Variants in ZBTB7C observed in about 807,000 individuals in gnomAD.
ZBTB7C encodes the protein zinc finger and BTB domain containing 7C, also known as zinc finger and BTB domain-containing protein 7C.
A neutral mutation model predicts 25.7 loss-of-function variants in ZBTB7C; 8 were observed. The observed-to-expected ratio is 0.31, with a 90% confidence interval of 0.18 to 0.56. The LOEUF (loss-of-function observed/expected upper bound fraction) is 0.56, where lower values mean the gene tolerates loss of function less well. ZBTB7C is among the 20% of genes least tolerant of loss of function. The pLI, the probability that ZBTB7C is intolerant of heterozygous loss-of-function variation, is 0.91. For synonymous variants in ZBTB7C, 394 were observed against 369.0 expected, an observed-to-expected ratio of 1.07 and a Z score of -0.78; for missense variants, 824 against 855.2, an observed-to-expected ratio of 0.96 and a Z score of 0.46.
intron 1 of ZBTB7C, among the ~76,000 whole-genome samples, chr18:48,407,713 C>T (rs2048312218): frequency 6.6e-6 from 1 of 152,184 alleles, no homozygotes; most frequent in Non-Finnish European, 1.5e-5. Context: ...ACTTCAAAAT[C>T]CTATGACCTT....
intron 3 of ZBTB7C, among the ~76,000 whole-genome samples, chr18:48,136,424 C>G (rs1442735608): frequency 6.6e-6 from 1 of 152,196 alleles, no homozygotes; most frequent in African/African-American, 2.4e-5. Flanking sequence ...CCGCCGCGCG[C>G]CTAGCTGGAC....
At chr18:48,054,531 A>G (rs537269516) in intron 3 of ZBTB7C, among the ~76,000 whole-genome samples, 47 of 152,176 alleles carry the variant, frequency 3.1e-4, no homozygotes, top group African/African-American at 9.4e-4. Flanking sequence ...GCTGTTGTCT[A>G]CCTCAATTTA....
Position 48,306,720 on chromosome 18 carries a change from C to T in ZBTB7C, c.-79+31454G>A, listed in dbSNP as rs140997284. Among the ~76,000 whole-genome samples the T allele has an allele frequency of 2.2e-3, 337 of 152,236 alleles. 2 individuals are homozygous for T. Among genetic ancestry groups the T allele is most frequent in the African/African-American group, 7.9e-3 (326 of 41,524 alleles). ...TATGTAGCTGAGCTCAGGAACTGTC[C>T]CCAGGTATGGGGTCAGAGCCCAGCT... is the stretch of plus-strand genomic sequence containing the variant. On this transcript the variant is annotated intron_variant, in intron 2 of 4. Coordinates refer to ENST00000590800, the MANE Select transcript of ZBTB7C (RefSeq NM_001318841.2).
At chr18:48,411,012 A>G (rs1057505664), upstream of ZBTB7C, among the ~76,000 whole-genome samples, 1 of 151,994 alleles carries the variant, frequency 6.6e-6, no homozygotes, top group Non-Finnish European at 1.5e-5. Flanking sequence ...AAGTTTGTGA[A>G]CCTTTGGTGC....
At chr18:48,174,106 T>C (rs2041590181) in intron 3 of ZBTB7C, among the ~76,000 whole-genome samples, 1 of 152,246 alleles carries the variant, frequency 6.6e-6, no homozygotes, top group Non-Finnish European at 1.5e-5. Flanking sequence ...AAGAAAAGAT[T>C]GGATAATTTG....
intron 2 of ZBTB7C, among the ~76,000 whole-genome samples, chr18:48,330,067 G>A (rs78093643): frequency 0.027 from 4,084 of 152,292 alleles, 73 homozygotes; most frequent in South Asian, 0.085. Context: ...CACAGTGGGG[G>A]TCAACTCTGT....
intron 2 of ZBTB7C, among the ~76,000 whole-genome samples, chr18:48,256,981 T>A (rs1480492109): frequency 6.6e-6 from 1 of 151,656 alleles, no homozygotes; most frequent in Non-Finnish European, 1.5e-5. Flanking sequence ...AGAAAACAAA[T>A]AGAAAGATGA....
At chr18:48,198,550 C>G (rs777283819) in intron 2 of ZBTB7C, among the ~76,000 whole-genome samples, 6 of 152,176 alleles carry the variant, frequency 3.9e-5, no homozygotes, top group Non-Finnish European at 7.3e-5. Context: ...TAGAGGCCAC[C>G]ACATTCCATG....
chr18:48,112,496 C>T lies in ZBTB7C; in HGVS notation c.-16-71373G>A, dbSNP rs1400652760. On this transcript the variant is annotated intron_variant, in intron 3 of 4. Transcript: ENST00000590800. ...CTGAGTAGCTGGGACTCCAGGCACG[C>T]GCTACCATGCCCAGCAGATTTTTAT... Among the ~76,000 whole-genome samples the T allele has an allele frequency of 2.6e-5, 4 of 151,874 alleles. No homozygotes were observed. The South Asian group carries it at 6.2e-4, about 24-fold the overall frequency.
intron 2 of ZBTB7C, among the ~76,000 whole-genome samples, chr18:48,276,835 C>G (rs2044672581): frequency 1.9e-5 from 2 of 103,384 alleles, no homozygotes; most frequent in African/African-American, 7.9e-5. Context: ...ATGGCTGGGT[C>G]AAATGGTATT....
chr18:48,273,149 T>C (rs1391010976), intron 2 of ZBTB7C, among the ~76,000 whole-genome samples: 1 of 152,196 alleles, frequency 6.6e-6, no homozygotes, highest in African/African-American at 2.4e-5. Context: ...ATTTATGGTA[T>C]GTAAATTGTA....
At chr18:48,300,248 C>G (rs182989394) in intron 2 of ZBTB7C, among the ~76,000 whole-genome samples, 2 of 152,284 alleles carry the variant, frequency 1.3e-5, no homozygotes, top group East Asian at 1.9e-4. Flanking sequence ...CTTAAGTGAT[C>G]TGAAGGTGAA....
chr18:48,277,358 A>G (rs897521313), intron 2 of ZBTB7C, among the ~76,000 whole-genome samples: 8 of 151,060 alleles, frequency 5.3e-5, no homozygotes, highest in Non-Finnish European at 8.8e-5. Flanking sequence ...ACACTTCTCA[A>G]AAGAAGACAT....
At chr18:48,123,968 CAGT>C (rs1245388138) in intron 3 of ZBTB7C, among the ~76,000 whole-genome samples, 7 of 152,080 alleles carry the variant, frequency 4.6e-5, no homozygotes, top group Admixed American at 4.6e-4. Flanking sequence ...AGCCTGGGGA[CAGT>C]GAGATGGTTT....
intron 2 of ZBTB7C, among the ~76,000 whole-genome samples, chr18:48,220,925 G>A (rs1376514227): frequency 6.6e-6 from 1 of 151,606 alleles, no homozygotes; most frequent in Non-Finnish European, 1.5e-5. Flanking sequence ...CTCTCCCTCT[G>A]TACTGTCCTA....
At chr18:48,370,838 T>C (rs1474342762) in intron 1 of ZBTB7C, among the ~76,000 whole-genome samples, 17 of 152,180 alleles carry the variant, frequency 1.1e-4, no homozygotes. Context: ...TCCAGTCTCC[T>C]GTAAGGTCAG....
intron 2 of ZBTB7C, among the ~76,000 whole-genome samples, chr18:48,292,888 ACTG>A (rs2045274653): frequency 2.0e-5 from 3 of 152,114 alleles, no homozygotes; most frequent in African/African-American, 4.8e-5. Context: ...TACTACTATT[ACTG>A]CTGCTGCTAT....
chr18:48,113,601 G>C (rs746246649), intron 3 of ZBTB7C, among the ~76,000 whole-genome samples: 17 of 152,212 alleles, frequency 1.1e-4, no homozygotes, highest in Non-Finnish European at 1.9e-4. Flanking sequence ...CCAAGTCCAG[G>C]GGAAAGCCAA....
intron 4 of ZBTB7C, among the ~76,000 whole-genome samples, chr18:48,034,137 G>A (rs2035872010): frequency 6.6e-6 from 1 of 152,184 alleles, no homozygotes; most frequent in Non-Finnish European, 1.5e-5. Flanking sequence ...CTGTAGGAAT[G>A]GAGGTCTGGC....
Sources: allele counts gnomAD v4.1 joint callset (sites outside exome capture counted in the v4.1 genomes callset), GRCh38; gene constraint gnomAD v4.1.1; transcripts MANE v1.5; gene names NCBI Gene and HGNC (gene_info 2026-07-23, HGNC 2026-07-21).